The following COMMD10 variants were observed in gnomAD, a reference collection of about 807,000 sequenced individuals.
COMMD10 encodes COMM domain containing 10.
Under a neutral mutation model 28.9 loss-of-function variants are expected in COMMD10, and 33 were observed. The ratio of observed to expected loss-of-function variants is 1.14; its 90% CI spans 0.87 to 1.53. COMMD10 has a LOEUF of 1.53. COMMD10 is among the 40% of genes most tolerant of loss of function. The probability of loss-of-function intolerance (pLI) is 0.00; values close to 1 mark genes in which losing one functional copy is unlikely to be tolerated. For synonymous variants in COMMD10, 110 were observed against 81.7 expected, an observed-to-expected ratio of 1.35 and a Z score of -1.87; for missense variants, 310 against 233.4, an observed-to-expected ratio of 1.33 and a Z score of -2.14.
At chr5:116,085,198 C>T in intron 1 of COMMD10, 105 bp downstream of exon 1, 2 of 409,430 alleles carry the variant, frequency 4.9e-6, no homozygotes, top group South Asian at 3.5e-5. Context: ...CGCGGCGGGC[C>T]CGGTTGAGTG....
At chr5:116,242,896 G>C (rs1418413682) in intron 5 of COMMD10, among the ~76,000 whole-genome samples, 1 of 152,194 alleles carries the variant, frequency 6.6e-6, no homozygotes, top group Non-Finnish European at 1.5e-5. Flanking sequence ...ATGCATTTGA[G>C]ATGGACCTTG....
intron 5 of COMMD10, among the ~76,000 whole-genome samples, chr5:116,183,617 T>C (rs983443757): frequency 1.3e-5 from 2 of 152,154 alleles, no homozygotes; most frequent in African/African-American, 4.8e-5. Context: ...TGTTTCTTTA[T>C]ATTTTAAAGA....
chr5:116,170,602 T>G (rs1176838350), intron 5 of COMMD10, among the ~76,000 whole-genome samples: 1 of 152,116 alleles, frequency 6.6e-6, no homozygotes, highest in Non-Finnish European at 1.5e-5. Flanking sequence ...AAGGCTACAG[T>G]AACCAAAACA....
intron 5 of COMMD10, among the ~76,000 whole-genome samples, chr5:116,261,113 C>G (rs1211223932): frequency 6.6e-6 from 1 of 151,706 alleles, no homozygotes; most frequent in Non-Finnish European, 1.5e-5. Context: ...AAAAGTGCAC[C>G]TGCATCCAAA....
chr5:116,126,600 C>A (rs1014393210), intron 4 of COMMD10, among the ~76,000 whole-genome samples: 2 of 149,440 alleles, frequency 1.3e-5, no homozygotes, highest in Admixed American at 6.6e-5. Context: ...GAACAGAGTA[C>A]AGCCCTTGGA....
intron 5 of COMMD10, among the ~76,000 whole-genome samples, chr5:116,203,701 G>C (rs904266176): frequency 2.6e-5 from 4 of 151,908 alleles, no homozygotes; most frequent in African/African-American, 9.7e-5. Flanking sequence ...GAGAGATTTT[G>C]TCACCACCAG....
At chr5:116,123,917 C>A (rs1027236457) in intron 4 of COMMD10, among the ~76,000 whole-genome samples, 4 of 81,748 alleles carry the variant, frequency 4.9e-5, no homozygotes, top group East Asian at 6.9e-4. Context: ...GTGGTGATAT[C>A]CCCTTTATCA....
chr5:116,235,959 C>T (rs143037586), intron 5 of COMMD10, among the ~76,000 whole-genome samples: 68 of 152,260 alleles, frequency 4.5e-4, no homozygotes, highest in African/African-American at 1.4e-3. Flanking sequence ...AGCATACATA[C>T]ATTATTTGTG....
At chr5:116,127,187 A>C (rs1268699014) in intron 4 of COMMD10, among the ~76,000 whole-genome samples, 1 of 152,242 alleles carries the variant, frequency 6.6e-6, no homozygotes, top group Non-Finnish European at 1.5e-5. Context: ...GTTCATCATC[A>C]CTGGCCATCA....
intron 5 of COMMD10, among the ~76,000 whole-genome samples, chr5:116,231,853 A>G (rs966073702): frequency 6.6e-6 from 1 of 152,170 alleles, no homozygotes; most frequent in Non-Finnish European, 1.5e-5. Flanking sequence ...CCAGAAAAAA[A>G]AACAACAGAA....
At chr5:116,264,966 A>T (rs1394087629) in intron 5 of COMMD10, among the ~76,000 whole-genome samples, 1 of 151,748 alleles carries the variant, frequency 6.6e-6, no homozygotes, top group Non-Finnish European at 1.5e-5. Context: ...TTTTGTTTTC[A>T]TGTGTTCTTT....
chr5:116,218,335 G>T, intron 5 of COMMD10: 1 of 661,754 alleles, frequency 1.5e-6, no homozygotes, highest in Non-Finnish European at 2.8e-6. Context: ...GGCACTGGGC[G>T]TAGGATGCAG....
At chr5:116,207,198 A>G (rs1033050972) in intron 5 of COMMD10, among the ~76,000 whole-genome samples, 7 of 152,140 alleles carry the variant, frequency 4.6e-5, no homozygotes, top group African/African-American at 1.7e-4. Flanking sequence ...TTTTACTCCC[A>G]TGGTTTTGAA....
At chr5:116,279,849 T>C (rs766586058) in intron 5 of COMMD10, among the ~76,000 whole-genome samples, 2 of 151,786 alleles carry the variant, frequency 1.3e-5, no homozygotes, top group Non-Finnish European at 2.9e-5. Context: ...CCTCTTATTA[T>C]TAAGACAGTG....
At chr5:116,284,141 C>T (rs999588595) in intron 5 of COMMD10, among the ~76,000 whole-genome samples, 1 of 142,818 alleles carries the variant, frequency 7.0e-6, no homozygotes, top group African/African-American at 2.5e-5. Context: ...CAAAAATAAA[C>T]AAACAAAAAA....
chr5:116,132,048 G>C (rs1182072125), intron 4 of COMMD10, among the ~76,000 whole-genome samples: 1 of 151,970 alleles, frequency 6.6e-6, no homozygotes, highest in African/African-American at 2.4e-5. Flanking sequence ...TTTTAAGAAG[G>C]GAAGTGGGAT....
At chr5:116,141,677 A>C (rs1444531154) in intron 5 of COMMD10, among the ~76,000 whole-genome samples, 3 of 151,848 alleles carry the variant, frequency 2.0e-5, no homozygotes, top group Non-Finnish European at 2.9e-5. Context: ...GCAATGGTAT[A>C]GTAGCGGGGG....
At chr5:116,283,506 C>G (rs892972647) in intron 5 of COMMD10, among the ~76,000 whole-genome samples, 8 of 151,492 alleles carry the variant, frequency 5.3e-5, no homozygotes, top group Non-Finnish European at 8.8e-5. Context: ...ACCACCACGC[C>G]CAGCTAATTT....
intron 5 of COMMD10, among the ~76,000 whole-genome samples, chr5:116,173,823 T>TTTTTG (rs142343349): frequency 2.0e-5 from 3 of 147,726 alleles, no homozygotes; most frequent in Non-Finnish European, 3.0e-5. Flanking sequence ...TGTTTTTGGG[T>TTTTTG]TTTTGTTTTG....
Sources: gnomAD v4.1 joint callset for allele counts (sites outside exome capture counted in the v4.1 genomes callset) on GRCh38, gnomAD v4.1.1 for gene constraint, MANE v1.5 for transcripts, NCBI Gene and HGNC (gene_info 2026-07-23, HGNC 2026-07-21) for gene names.